The following IL6ST variants were observed in gnomAD, a reference collection of about 807,000 sequenced individuals.
IL6ST encodes the protein interleukin-6 receptor subunit beta.
A neutral mutation model predicts 91.3 loss-of-function variants in IL6ST; 24 were observed. The ratio of observed to expected loss-of-function variants is 0.26; its 90% CI spans 0.19 to 0.37. The LOEUF (loss-of-function observed/expected upper bound fraction) is 0.37. Among genes scored for constraint, IL6ST ranks in the 10% least tolerant of loss-of-function variants. The pLI is 1.00. For synonymous variants in IL6ST, 351 were observed against 373.6 expected (o/e 0.94, Z 0.70); for missense variants, 914 against 1,078.5 (o/e 0.85, Z 2.14).
rs1318862587 is a variant in IL6ST at position 55,938,867 on chromosome 5, GTA to G, written c.*2213_*2214del. On this transcript the variant is annotated 3_prime_UTR_variant, in exon 17 of 17. Coordinates refer to ENST00000381298, the MANE Select transcript of IL6ST (RefSeq NM_002184.4). Reference sequence around the variant, plus strand: ...CAGTAATCATATATCCATTTAATATGTATAAAGTGTTCTTGGGGATGGGGGTA... The same window carrying G: ...CAGTAATCATATATCCATTTAATATGTAAAGTGTTCTTGGGGATGGGGGTA... 1.3e-4 allele frequency: 26 copies of G among 201,986 alleles called. No individual in the cohort carries two copies. The highest frequency in any genetic ancestry group is 5.1e-5 in the Non-Finnish European group (5 of 98,248). 12.5% of individuals were successfully genotyped at this position (201,986 alleles called of 1,614,324 possible).
In IL6ST at chr5:55,969,682, T is replaced by G; in HGVS notation, c.238A>C (p.Thr80Pro). ...NHFTIPKEQY[T>P]IINRTASSVT... ...CTGGATGCTGTTCTGTTTATGATAGTATATTGCTCCTTAGGAATAGTAAAA... is the reference window on the plus strand; with the variant it reads ...CTGGATGCTGTTCTGTTTATGATAGGATATTGCTCCTTAGGAATAGTAAAA... Residue 80 changes from threonine to proline, a missense_variant, in exon 4 of 17, where the codon ACT becomes CCT. Physicochemically the swap from Thr to Pro is conservative, Grantham distance 38. Coordinates refer to ENST00000381298, the MANE Select transcript of IL6ST (RefSeq NM_002184.4). The G allele has an allele frequency of 6.2e-7, 1 of 1,612,422 alleles. No homozygotes were observed. The highest frequency in any genetic ancestry group is 8.5e-7 in the Non-Finnish European group (1 of 1,178,560).
chr5:55,971,981 TC>T (rs1451378695), intron 3 of IL6ST, among the ~76,000 whole-genome samples: 2 of 152,150 alleles, frequency 1.3e-5, no homozygotes, highest in African/African-American at 2.4e-5. Context: ...ACTCTCAATT[TC>T]CAATAGCATG....
At chr5:55,956,706 A>G (rs1385820046) in intron 9 of IL6ST, among the ~76,000 whole-genome samples, 1 of 152,208 alleles carries the variant, frequency 6.6e-6, no homozygotes, top group Non-Finnish European at 1.5e-5. Flanking sequence ...AAATACCTAT[A>G]AGGTATTATT....
intron 7 of IL6ST, among the ~76,000 whole-genome samples, chr5:55,960,806 T>G (rs989235187): frequency 6.6e-6 from 1 of 151,986 alleles, no homozygotes; most frequent in African/African-American, 2.4e-5. Flanking sequence ...ATTTCTGTAC[T>G]TTTTTAGTAT....
chr5:55,951,801 A>T, intron 13 of IL6ST, 128 bp downstream of exon 13: 1 of 761,124 alleles, frequency 1.3e-6, no homozygotes, highest in Non-Finnish European at 2.1e-6. Context: ...AGTAACCATA[A>T]GGCAAATTCT....
intron 1 of IL6ST, among the ~76,000 whole-genome samples, chr5:55,990,920 T>C (rs1474381216): frequency 2.3e-5 from 3 of 133,050 alleles, no homozygotes; most frequent in Non-Finnish European, 4.7e-5. Flanking sequence ...CCCTGGTGTG[T>C]GATGTTCTCC....
intron 2 of IL6ST, among the ~76,000 whole-genome samples, chr5:55,979,495 C>T (rs938104291): frequency 1.3e-5 from 2 of 152,012 alleles, no homozygotes; most frequent in African/African-American, 4.8e-5. Flanking sequence ...AAAAATTATC[C>T]CAATACCATT....
At chr5:55,970,744 T>C (rs567635042) in intron 3 of IL6ST, among the ~76,000 whole-genome samples, 1 of 151,720 alleles carries the variant, frequency 6.6e-6, no homozygotes, top group African/African-American at 2.4e-5. Flanking sequence ...CAGTCTCTAC[T>C]AAAAATACAA....
Position 55,969,917 on chromosome 5 carries a change from T to C in IL6ST, c.65-62A>G, listed in dbSNP as rs555466100. 3.4e-5 allele frequency: 37 copies of C among 1,078,094 alleles called. No individual in the cohort carries two copies. The African/African-American group carries it at 4.5e-4, about 13-fold the overall frequency. 66.8% of individuals were successfully genotyped at this position (1,078,094 alleles called of 1,614,324 possible). ...AATTTTTCTGGTACAAAATGATATC[T>C]AGCTGGTAGCACTCAATGTAGAGTC... is the stretch of plus-strand genomic sequence containing the variant. On this transcript the variant is annotated intron_variant, in intron 3 of 16. Transcript: ENST00000381298.
In IL6ST at chr5:55,957,178, T is replaced by C. The variant is rs768348997; in HGVS notation, c.1056+31A>G. On this transcript the variant is annotated intron_variant, in intron 9 of 16. Transcript: ENST00000381298. ...TTTCAAAAAAAAAAAAAAAGATTTA[T>C]AAGAGATAAAATATAAATGTGATTT... 11 of 1,115,820 alleles carry C rather than the reference T, an allele frequency of 9.9e-6. No homozygotes were observed. The South Asian group carries it at 1.6e-4, about 16-fold the overall frequency. 69.1% of individuals were successfully genotyped at this position (1,115,820 alleles called of 1,614,324 possible).
chr5:55,978,121 G>A (rs1477398730), intron 2 of IL6ST: 3 of 152,136 alleles, frequency 2.0e-5, no homozygotes, highest in African/African-American at 7.2e-5. Flanking sequence ...CATGGATACT[G>A]GCAAAAGGCA....
chr5:55,943,248 A>G (rs1004619095), intron 15 of IL6ST, among the ~76,000 whole-genome samples: 3 of 152,228 alleles, frequency 2.0e-5, no homozygotes, highest in Non-Finnish European at 4.4e-5. Flanking sequence ...TATAAAAAGT[A>G]GTAAAGCTGA....
Position 55,936,083 on chromosome 5 carries a change from ATTTT to A in IL6ST, c.*4995_*4998del, listed in dbSNP as rs1027222912. On this transcript the variant is annotated 3_prime_UTR_variant, in exon 17 of 17. Coordinates refer to ENST00000381298, the MANE Select transcript of IL6ST (RefSeq NM_002184.4). ...GCTTGTGGGTTTTTTGACTCACTAC[ATTTT>A]TTTAGACAAAATCACAATGTGAAGG... 3 of 228,124 alleles carry A rather than the reference ATTTT, an allele frequency of 1.3e-5. No homozygotes were observed. The highest frequency in any genetic ancestry group is 6.7e-5 in the African/African-American group (3 of 45,048). 14.1% of individuals were successfully genotyped at this position (228,124 alleles called of 1,614,324 possible). A position where few individuals can be genotyped will look rare whatever the true frequency, so the allele number is the denominator to read the frequency against.
intron 15 of IL6ST, among the ~76,000 whole-genome samples, chr5:55,943,246 G>C (rs182136412): frequency 3.5e-4 from 53 of 152,252 alleles, no homozygotes; most frequent in Non-Finnish European, 6.2e-4. Context: ...AATATAAAAA[G>C]TAGTAAAGCT....
chr5:55,989,107 C>G (rs1198156953), intron 1 of IL6ST, among the ~76,000 whole-genome samples: 1 of 148,038 alleles, frequency 6.8e-6, no homozygotes, highest in Non-Finnish European at 1.5e-5. Context: ...TGTACTCCAG[C>G]CTGGGTAACA....
At chr5:55,984,460 A>AG (rs1402886781) in intron 1 of IL6ST, among the ~76,000 whole-genome samples, 2 of 152,220 alleles carry the variant, frequency 1.3e-5, no homozygotes. Flanking sequence ...AGACAGAGCC[A>AG]GGAAGAATAC....
chr5:55,984,789 G>C (rs577135168), intron 1 of IL6ST, among the ~76,000 whole-genome samples: 1 of 146,314 alleles, frequency 6.8e-6, no homozygotes, highest in African/African-American at 2.5e-5. Flanking sequence ...AACACAAACT[G>C]AAAAAAAAAA....
In IL6ST at chr5:55,968,354, T is replaced by A; in HGVS notation, c.413A>T (p.Glu138Val). 6.2e-7 allele frequency: 1 copy of A among 1,611,042 alleles called. No homozygotes were observed. Among genetic ancestry groups the A allele is most frequent in the Non-Finnish European group, 8.5e-7 (1 of 1,178,960 alleles). Residue 138 changes from glutamate (E) to valine (V), a missense_variant, in exon 5 of 17, where the codon GAG becomes GTG. Physicochemically the swap from Glu to Val is moderately radical, Grantham distance 121 (BLOSUM62 -2). Transcript: ENST00000381298. ...CCACTCACACCTCATTTTCTTCCCC[T>A]CGTTCACAATGCAACTCAAATTTTT... is the stretch of plus-strand genomic sequence containing the variant. ...KPKNLSCIVN[E>V]GKKMRCEWDG...
At chr5:55,981,851 T>C (rs143825658) in intron 2 of IL6ST, among the ~76,000 whole-genome samples, 107 of 152,328 alleles carry the variant, frequency 7.0e-4, no homozygotes, top group African/African-American at 2.4e-3. Flanking sequence ...GAAGCTTCTA[T>C]GAAGCCAAAA....
Sources: gnomAD v4.1 joint callset for allele counts (sites outside exome capture counted in the v4.1 genomes callset) on GRCh38, gnomAD v4.1.1 for gene constraint, MANE v1.5 for transcripts, NCBI Gene and HGNC (gene_info 2026-07-23, HGNC 2026-07-21) for gene names.